Variants in PTAR1 observed in about 807,000 individuals in gnomAD.
The protein encoded by PTAR1 is protein prenyltransferase alpha subunit repeat-containing protein 1.
A neutral mutation model predicts 45.5 loss-of-function variants in PTAR1; 17 were observed. The observed-to-expected ratio is 0.37, with a 90% CI of 0.26 to 0.56. PTAR1 has a LOEUF of 0.56. Ranked by LOEUF, PTAR1 falls within the 20% of genes least tolerant of loss-of-function variation. PTAR1 has a pLI of 0.77. For synonymous variants in PTAR1, 169 were observed against 171.3 expected, an observed-to-expected ratio of 0.99 and a Z score of 0.11; for missense variants, 391 against 476.3, an observed-to-expected ratio of 0.82 and a Z score of 1.67.
intron 1 of PTAR1, chr9:69,758,096 G>C (rs1203190651): frequency 3.3e-5 from 5 of 152,134 alleles, no homozygotes; most frequent in African/African-American, 1.2e-4. Context: ...AGGTTTTACA[G>C]TAGAAAAAGG....
At chr9:69,752,878 T>C (rs138713322) in intron 1 of PTAR1, among the ~76,000 whole-genome samples, 55 of 152,242 alleles carry the variant, frequency 3.6e-4, no homozygotes, top group African/African-American at 1.3e-3. Flanking sequence ...CCCCTAGCCA[T>C]ATCTAGCTAT....
chr9:69,749,428 A>G (rs1826427183), intron 2 of PTAR1, among the ~76,000 whole-genome samples: 1 of 152,152 alleles, frequency 6.6e-6, no homozygotes, highest in Non-Finnish European at 1.5e-5. Flanking sequence ...ACTGAAAACT[A>G]CAGCACGGTG....
intron 2 of PTAR1, among the ~76,000 whole-genome samples, chr9:69,747,795 C>T (rs1225540469): frequency 6.6e-6 from 1 of 152,152 alleles, no homozygotes; most frequent in Admixed American, 6.5e-5. Context: ...ATACAAGCCA[C>T]ACCAAAATGT....
chr9:69,754,912 C>T (rs1234888466), intron 1 of PTAR1, among the ~76,000 whole-genome samples: 1 of 150,896 alleles, frequency 6.6e-6, no homozygotes, highest in Non-Finnish European at 1.5e-5. Flanking sequence ...TGAACATATT[C>T]TATAATCCTT....
intron 5 of PTAR1, among the ~76,000 whole-genome samples, chr9:69,725,728 T>A (rs943751800): frequency 6.6e-6 from 1 of 152,060 alleles, no homozygotes; most frequent in Non-Finnish European, 1.5e-5. Flanking sequence ...AACTGGAATT[T>A]CAGGGTATTC....
intron 2 of PTAR1, among the ~76,000 whole-genome samples, chr9:69,743,970 A>G (rs1368889233): frequency 1.3e-5 from 2 of 152,240 alleles, no homozygotes; most frequent in African/African-American, 4.8e-5. Context: ...GTAAATAAAT[A>G]AAGTGGTCAC....
intron 6 of PTAR1, among the ~76,000 whole-genome samples, chr9:69,719,150 T>C (rs1318940945): frequency 6.6e-6 from 1 of 152,164 alleles, no homozygotes; most frequent in African/African-American, 2.4e-5. Flanking sequence ...TCAAGTACTT[T>C]AATAAAAATA....
intron 6 of PTAR1, among the ~76,000 whole-genome samples, chr9:69,719,454 T>G (rs539180839): frequency 6.6e-6 from 1 of 152,160 alleles, no homozygotes; most frequent in East Asian, 1.9e-4. Flanking sequence ...GGTTGTTACA[T>G]CTCATCATTC....
chr9:69,746,575 G>T (rs1826285670), intron 2 of PTAR1, among the ~76,000 whole-genome samples: 1 of 152,120 alleles, frequency 6.6e-6, no homozygotes, highest in Admixed American at 6.6e-5. Flanking sequence ...ATGAGCTACT[G>T]AAATCTCCAC....
At chr9:69,726,700 C>A (rs949574826) in intron 5 of PTAR1, among the ~76,000 whole-genome samples, 1 of 151,834 alleles carries the variant, frequency 6.6e-6, no homozygotes, top group Non-Finnish European at 1.5e-5. Flanking sequence ...GCCTAAATAT[C>A]TTTTCTTGTG....
intron 6 of PTAR1, among the ~76,000 whole-genome samples, chr9:69,721,497 C>A (rs1231140617): frequency 1.3e-5 from 2 of 152,162 alleles, no homozygotes; most frequent in African/African-American, 4.8e-5. Context: ...GAGTATGACA[C>A]AAACTTAGTT....
Position 69,732,257 on chromosome 9 carries a change from C to A in PTAR1, c.524G>T (p.Arg175Leu). ...LGTIPTERAQRLIQEEMEVCG... is the reference protein window; with the variant it reads ...LGTIPTERAQLLIQEEMEVCG... ...GACCTCCATCTCTTCTTGTATGAGTCGCTGTGCCCTTTCTGTGGGAATTGT... is the reference window on the plus strand; with the variant it reads ...GACCTCCATCTCTTCTTGTATGAGTAGCTGTGCCCTTTCTGTGGGAATTGT... The change falls in exon 5 of 8, where the codon CGA (arginine) becomes CTA (leucine). Residue 175 changes from arginine to leucine, a missense_variant. Around this residue, in one of 5 missense-constraint regions of PTAR1, gnomAD observed 46 missense variants for 39.6 expected, o/e 1.16. Transcript: ENST00000340434. The A allele has an allele frequency of 1.2e-6, 2 of 1,613,770 alleles. No homozygotes were observed. Among genetic ancestry groups the A allele is most frequent in the Non-Finnish European group, 1.7e-6 (2 of 1,179,756 alleles).
At chr9:69,755,130 G>T (rs1351891596) in intron 1 of PTAR1, among the ~76,000 whole-genome samples, 1 of 152,046 alleles carries the variant, frequency 6.6e-6, no homozygotes, top group South Asian at 2.1e-4. Flanking sequence ...TATTTAACAA[G>T]GTATTCAATT....
intron 2 of PTAR1, among the ~76,000 whole-genome samples, chr9:69,743,293 G>A (rs888546964): frequency 1.3e-5 from 2 of 152,114 alleles, no homozygotes; most frequent in African/African-American, 4.8e-5. Context: ...TTTCCAACAA[G>A]TCAATTATGC....
At chr9:69,745,628 C>A (rs1164213499) in intron 2 of PTAR1, among the ~76,000 whole-genome samples, 2 of 152,200 alleles carry the variant, frequency 1.3e-5, no homozygotes, top group African/African-American at 4.8e-5. Context: ...AACACTTCCT[C>A]TACTGGCAGG....
chr9:69,745,109 C>T (rs985443884), intron 2 of PTAR1, among the ~76,000 whole-genome samples: 1 of 152,188 alleles, frequency 6.6e-6, no homozygotes, highest in African/African-American at 2.4e-5. Context: ...CTTTTTGACA[C>T]ACAGTGAGTA....
intron 2 of PTAR1, among the ~76,000 whole-genome samples, chr9:69,744,876 C>A (rs1053478080): frequency 3.3e-5 from 5 of 152,140 alleles, no homozygotes; most frequent in African/African-American, 1.2e-4. Flanking sequence ...CAGTCCCTGG[C>A]CAAAAGCAGC....
At position 69,723,605 on chromosome 9, in the gene PTAR1, G is replaced by C; in HGVS notation, c.668C>G (p.Thr223Ser). ...AACGTGCATAGATGCCCAATGTTTA[G>C]TAGAAGATAGTTCATCAAGAAGAAT... ...VKILLDELSS[T>S]KHWASMHVSD... The change falls in exon 6 of 8, where the codon ACT becomes AGT. Residue 223 changes from threonine (T) to serine (S), a missense_variant. Physicochemically the swap from Thr to Ser is moderately conservative, Grantham distance 58. Around this residue, in one of 5 missense-constraint regions of PTAR1, gnomAD observed 181 missense variants for 227.7 expected, o/e 0.80. Coordinates refer to ENST00000340434, the MANE Select transcript of PTAR1 (RefSeq NM_001099666.2). 2 of 1,609,290 alleles carry C rather than the reference G, an allele frequency of 1.2e-6. No homozygotes were observed. Among genetic ancestry groups the C allele is most frequent in the Non-Finnish European group, 1.7e-6 (2 of 1,176,936 alleles).
At chr9:69,737,936 C>T (rs1373220855) in intron 3 of PTAR1, among the ~76,000 whole-genome samples, 1 of 152,092 alleles carries the variant, frequency 6.6e-6, no homozygotes, top group African/African-American at 2.4e-5. Context: ...TCTTATATTA[C>T]CATGGTACCT....
Sources: allele counts gnomAD v4.1 joint callset (sites outside exome capture counted in the v4.1 genomes callset), GRCh38; gene constraint gnomAD v4.1.1; regional missense constraint gnomAD v4.1.1; transcripts MANE v1.5; gene names NCBI Gene and HGNC (gene_info 2026-07-23, HGNC 2026-07-21).